UBASH3B: variants seen among roughly 807,000 people sequenced by gnomAD.
UBASH3B encodes ubiquitin associated and SH3 domain containing B.
In UBASH3B, 37 loss-of-function variants were observed where a neutral mutation model predicts 83.4. The ratio of observed to expected loss-of-function variants is 0.44; its 90% CI spans 0.34 to 0.58. The LOEUF (loss-of-function observed/expected upper bound fraction) is 0.58, where lower values mean the gene tolerates loss of function less well. Ranked by LOEUF, UBASH3B falls within the 20% of genes least tolerant of loss-of-function variation. The pLI is 0.01. For missense variants in UBASH3B, 657 were observed against 827.2 expected (o/e 0.79, Z 2.52); for synonymous variants, 304 against 318.3 (o/e 0.96, Z 0.48).
intron 1 of UBASH3B, among the ~76,000 whole-genome samples, chr11:122,705,516 A>G (rs1395013859): frequency 1.3e-5 from 2 of 152,058 alleles, no homozygotes; most frequent in Non-Finnish European, 2.9e-5. Flanking sequence ...CTGACAGTCA[A>G]TCCAAGAGTC....
intron 7 of UBASH3B, 108 bp from the exon 8 acceptor site, chr11:122,796,048 T>C (rs1861149760): frequency 6.9e-7 from 1 of 1,456,480 alleles, no homozygotes; most frequent in Admixed American, 1.8e-5. Flanking sequence ...CACCAAGTCA[T>C]ACCTTGGCAG....
In UBASH3B at chr11:122,811,189, T is replaced by G. The variant is rs1861441425; in HGVS notation, c.*1303T>G. On this transcript the variant is annotated 3_prime_UTR_variant, in exon 14 of 14. Transcript: ENST00000284273. The stretch of plus-strand genomic sequence containing the variant: ...AAATCATCAGTTATCAATGTCTGTT[T>G]AATTGTGTGACTATCTGACTGTTGA... The G allele has an allele frequency of 6.6e-6, 1 of 152,440 alleles. No individual in the cohort carries two copies. Among genetic ancestry groups the G allele is most frequent in the Admixed American group, 6.5e-5 (1 of 15,276 alleles). The allele number at this position is 152,440 out of a possible 1,614,324, so 9.4% of individuals were successfully genotyped here.
At chr11:122,689,692 G>C (rs1349287708) in intron 1 of UBASH3B, among the ~76,000 whole-genome samples, 1 of 152,080 alleles carries the variant, frequency 6.6e-6, no homozygotes, top group African/African-American at 2.4e-5. Context: ...TCTGGCCCCA[G>C]ACTGCCCTCA....
chr11:122,779,227 C>T (rs913226551), intron 3 of UBASH3B: 10 of 531,958 alleles, frequency 1.9e-5, no homozygotes, highest in Non-Finnish European at 3.4e-5. Flanking sequence ...ACCAGTCCTG[C>T]AGCATTTTGG....
chr11:122,741,681 A>G (rs1861027927), intron 1 of UBASH3B, among the ~76,000 whole-genome samples: 1 of 152,170 alleles, frequency 6.6e-6, no homozygotes, highest in Admixed American at 6.5e-5. Context: ...CAAGGCATCC[A>G]GCTGCTCCTC....
In UBASH3B at chr11:122,777,150, C is replaced by G. The variant is rs1370111966; in HGVS notation, c.342C>G (p.Ile114Met). The part of the protein sequence containing the change: ...LSDFWQQSKQ[I>M]CGKNKAHNIF... ...ACTTTTGGCAGCAGTCGAAGCAGAT[C>G]TGCGGGAAGAACAAGGCACACAACA... The change falls in exon 3 of 14, where the codon ATC (isoleucine) becomes ATG (methionine). Residue 114 changes from isoleucine (I) to methionine (M), a missense_variant. Coordinates refer to ENST00000284273, the MANE Select transcript of UBASH3B (RefSeq NM_032873.5). The G allele has an allele frequency of 1.2e-6, 2 of 1,614,022 alleles. No individual in the cohort carries two copies. The highest frequency in any genetic ancestry group is 1.1e-5 in the South Asian group (1 of 91,074).
intron 1 of UBASH3B, among the ~76,000 whole-genome samples, chr11:122,696,189 G>A (rs1863962836): frequency 6.6e-6 from 1 of 150,620 alleles, no homozygotes; most frequent in Non-Finnish European, 1.5e-5. Context: ...ACCTCAGGTG[G>A]TTTGCCCACC....
chr11:122,663,362 GTCTCAGACATTGATAAT>G (rs1416953342), intron 1 of UBASH3B, among the ~76,000 whole-genome samples: 1 of 152,208 alleles, frequency 6.6e-6, no homozygotes, highest in Non-Finnish European at 1.5e-5. Flanking sequence ...TCACTATTAA[GTCTCAGACATTGATAAT>G]TTAATGAGGA....
At chr11:122,804,185 T>C (rs1861301035) in intron 11 of UBASH3B, among the ~76,000 whole-genome samples, 1 of 151,672 alleles carries the variant, frequency 6.6e-6, no homozygotes, top group Non-Finnish European at 1.5e-5. Flanking sequence ...GGAGATGAGG[T>C]GACATAAATG....
At chr11:122,731,571 G>A (rs913388235) in intron 1 of UBASH3B, among the ~76,000 whole-genome samples, 2 of 152,272 alleles carry the variant, frequency 1.3e-5, no homozygotes, top group African/African-American at 4.8e-5. Context: ...AGTGCAAACA[G>A]TGTGGATTCA....
chr11:122,657,161 C>A (rs1007719773), intron 1 of UBASH3B, among the ~76,000 whole-genome samples: 1 of 152,182 alleles, frequency 6.6e-6, no homozygotes, highest in Non-Finnish European at 1.5e-5. Flanking sequence ...CCGGACTGGG[C>A]GCAGCTTCTT....
At chr11:122,750,585 T>C (rs552716999) in intron 1 of UBASH3B, among the ~76,000 whole-genome samples, 2 of 152,342 alleles carry the variant, frequency 1.3e-5, no homozygotes, top group South Asian at 4.1e-4. Flanking sequence ...AGGATCCTCA[T>C]GAAATGAATC....
intron 1 of UBASH3B, among the ~76,000 whole-genome samples, chr11:122,766,380 C>T (rs1229530617): frequency 6.6e-6 from 1 of 152,116 alleles, no homozygotes; most frequent in Non-Finnish European, 1.5e-5. Context: ...CCCGTCTCTA[C>T]TAACTACACA....
intron 1 of UBASH3B, among the ~76,000 whole-genome samples, chr11:122,775,308 G>C (rs1860713516): frequency 6.6e-6 from 1 of 152,244 alleles, no homozygotes; most frequent in Admixed American, 6.5e-5. Context: ...TTTGTACACA[G>C]GGCTTCACTG....
At position 122,806,054 on chromosome 11, in the gene UBASH3B, G is replaced by C. The variant is rs956212163; in HGVS notation, c.1596-356G>C. On this transcript the variant is annotated intron_variant, in intron 11 of 13. Coordinates refer to ENST00000284273, the MANE Select transcript of UBASH3B (RefSeq NM_032873.5). This position sits in a 1 kb window ranked among gnomAD's most constrained non-coding sequence, Gnocchi z 4.0. ...TTGAAGAGAGGTCTGGGAAATCCCT[G>C]CTGATCTAAATAGGTTGAGGGTTCC... Among the ~76,000 whole-genome samples the C allele has an allele frequency of 6.6e-6, 1 of 152,200 alleles. No individual in the cohort carries two copies.
intron 1 of UBASH3B, among the ~76,000 whole-genome samples, chr11:122,687,027 C>T (rs1044533620): frequency 1.3e-5 from 2 of 152,012 alleles, no homozygotes; most frequent in Admixed American, 1.3e-4. Flanking sequence ...ACCACCACGC[C>T]CAGCTAATTT....
At chr11:122,763,715 A>G (rs748066097) in intron 1 of UBASH3B, among the ~76,000 whole-genome samples, 6 of 152,204 alleles carry the variant, frequency 3.9e-5, no homozygotes, top group Non-Finnish European at 7.3e-5. Flanking sequence ...CCTAACTGAA[A>G]GGGTTCACCA....
intron 1 of UBASH3B, among the ~76,000 whole-genome samples, chr11:122,753,426 G>A (rs891741426): frequency 2.0e-5 from 3 of 151,700 alleles, no homozygotes; most frequent in Admixed American, 6.6e-5. Context: ...ACTCCAGCCT[G>A]GGCAATGGAG....
chr11:122,665,048 A>G (rs2135893865), intron 1 of UBASH3B, among the ~76,000 whole-genome samples: 1 of 152,282 alleles, frequency 6.6e-6, no homozygotes. Flanking sequence ...AGCTGGGACT[A>G]CAGGCGCCCG....
Sources: allele counts gnomAD v4.1 joint callset (sites outside exome capture counted in the v4.1 genomes callset), GRCh38; gene constraint gnomAD v4.1.1; non-coding constraint Gnocchi (gnomAD v3.1); transcripts MANE v1.5; gene names NCBI Gene and HGNC (gene_info 2026-07-23, HGNC 2026-07-21).